Variants in ADRA1B observed in about 807,000 individuals in gnomAD.
ADRA1B encodes alpha-1B adrenergic receptor.
Under a neutral mutation model 17.9 loss-of-function variants are expected in ADRA1B, and 17 were observed. The observed-to-expected ratio is 0.95, with a 90% CI of 0.65 to 1.42. The LOEUF is 1.42. Among genes scored for constraint, ADRA1B ranks in the 40% most tolerant of loss-of-function variants. The pLI is 0.00. For missense variants in ADRA1B, 681 were observed against 722.1 expected (o/e 0.94, Z 0.65); for synonymous variants, 366 against 327.6 (o/e 1.12, Z -1.27).
At chr5:159,975,080 GC>G (rs1380834154), downstream of ADRA1B, among the ~76,000 whole-genome samples, 1 of 152,194 alleles carries the variant, frequency 6.6e-6, no homozygotes, top group Non-Finnish European at 1.5e-5. Context: ...GAAAAGAAAA[GC>G]CCCAACTCCA....
At chr5:159,952,395 A>T (rs938596915) in intron 1 of ADRA1B, among the ~76,000 whole-genome samples, 3 of 152,164 alleles carry the variant, frequency 2.0e-5, no homozygotes, top group African/African-American at 7.2e-5. Flanking sequence ...AAAACATCTT[A>T]TTGTATGTAA....
At position 159,879,886 on chromosome 5, in the gene ADRA1B, C is replaced by T. The variant is rs373290578; in HGVS notation, c.-256+14680C>T. 1.6e-3 allele frequency among the ~76,000 whole-genome samples: 248 copies of T among 152,218 alleles called. 1 individual carries two copies. Among genetic ancestry groups the T allele is most frequent in the African/African-American group, 5.7e-3 (236 of 41,542 alleles). The stretch of plus-strand genomic sequence containing the variant: ...TGGCGGGCGCCTGTAATCCCACCTA[C>T]TCATGAGGCTGAGGCAGAAGAATCG... On this transcript the variant is annotated intron_variant, in intron 1 of 2. Transcript: ENST00000641205.
Position 159,943,912 on chromosome 5 carries a change from T to TCTCA in ADRA1B, c.949+26059_949+26060insTCAC, listed in dbSNP as rs1187774879. ...CATTCTCTCTCTCTCTCTGTCTCTCTCACACACACACACACACACACACAC... is the reference window on the plus strand; with the variant it reads ...CATTCTCTCTCTCTCTCTGTCTCTCTCTCACACACACACACACACACACACACAC... On this transcript the variant is annotated intron_variant, in intron 1 of 1. Transcript: ENST00000306675. 2.4e-3 allele frequency among the ~76,000 whole-genome samples: 356 copies of TCTCA among 147,542 alleles called. 3 individuals are homozygous for TCTCA. Among genetic ancestry groups the TCTCA allele is most frequent in the African/African-American group, 8.4e-3 (335 of 39,866 alleles).
intron 1 of ADRA1B, among the ~76,000 whole-genome samples, chr5:159,922,249 T>C (rs1242431485): frequency 6.6e-6 from 1 of 152,206 alleles, no homozygotes; most frequent in Non-Finnish European, 1.5e-5. Context: ...TCCTCACAGC[T>C]ACTCTAACAG....
chr5:159,969,946 C>A (rs1755839811), intron 1 of ADRA1B, among the ~76,000 whole-genome samples: 2 of 151,302 alleles, frequency 1.3e-5, no homozygotes, highest in Admixed American at 6.6e-5. Context: ...AAAAAAAAAA[C>A]ACATTTTTAT....
chr5:159,901,322 C>G (rs114645603), intron 1 of ADRA1B, among the ~76,000 whole-genome samples: 2 of 149,998 alleles, frequency 1.3e-5, no homozygotes, highest in South Asian at 4.3e-4. Context: ...CTTTGCTCTT[C>G]CAGCACAGCC....
At chr5:159,878,686 T>G (rs11739251) in intron 1 of ADRA1B, among the ~76,000 whole-genome samples, 41,364 of 152,070 alleles carry the variant, frequency 0.27, 5,944 homozygotes, top group Non-Finnish European at 0.32. Flanking sequence ...TTAGGTGACC[T>G]GTGCAAGGTC....
chr5:159,947,619 G>T, intron 1 of ADRA1B: 1 of 763,286 alleles, frequency 1.3e-6, no homozygotes, highest in South Asian at 5.9e-5. Context: ...CAATACACTG[G>T]CTTTCAAATT....
chr5:159,939,831 C>T (rs1295310415), intron 1 of ADRA1B, among the ~76,000 whole-genome samples: 1 of 152,194 alleles, frequency 6.6e-6, no homozygotes, highest in African/African-American at 2.4e-5. Flanking sequence ...CTGTAACACC[C>T]TTCCTTCTCT....
At chr5:159,955,727 G>C (rs1755539956) in intron 1 of ADRA1B, among the ~76,000 whole-genome samples, 1 of 152,092 alleles carries the variant, frequency 6.6e-6, no homozygotes, top group Non-Finnish European at 1.5e-5. Flanking sequence ...ACCTCTAAAA[G>C]CTGAACACAA....
chr5:159,906,253 T>C (rs1754159749), intron 1 of ADRA1B, among the ~76,000 whole-genome samples: 1 of 152,212 alleles, frequency 6.6e-6, no homozygotes, highest in South Asian at 2.1e-4. Context: ...ATCCTCTCTA[T>C]GAGACATTCA....
intron 1 of ADRA1B, among the ~76,000 whole-genome samples, chr5:159,946,455 A>T (rs1018310420): frequency 6.6e-6 from 1 of 152,192 alleles, no homozygotes; most frequent in Admixed American, 6.5e-5. Context: ...GAAAGAAAAG[A>T]TTACCAGTAC....
intron 1 of ADRA1B, chr5:159,870,877 T>C (rs945035982): frequency 6.6e-6 from 1 of 152,228 alleles, no homozygotes; most frequent in East Asian, 1.9e-4. Flanking sequence ...ATACAGTCAC[T>C]GTGTCCTGTA....
chr5:159,951,490 C>T (rs538060151), intron 1 of ADRA1B: 1 of 696,422 alleles, frequency 1.4e-6, no homozygotes, highest in East Asian at 2.6e-5. Flanking sequence ...CAGCCTTCAC[C>T]TTCACCACGG....
In ADRA1B at chr5:159,922,993, G is replaced by C. The variant is rs944541540; in HGVS notation, c.949+5139G>C. On this transcript the variant is annotated intron_variant, in intron 1 of 1. Transcript: ENST00000306675. ...TAGTACATCATAGGTCCCTGAGGCAGTGACATTTAAGTGGAACCCTCAACG... is the reference window on the plus strand; with the variant it reads ...TAGTACATCATAGGTCCCTGAGGCACTGACATTTAAGTGGAACCCTCAACG... Among the ~76,000 whole-genome samples the C allele has an allele frequency of 5.3e-5, 8 of 152,262 alleles. No homozygotes were observed. In the South Asian group the frequency reaches 6.2e-4, roughly 12 times the overall value.
intron 1 of ADRA1B, among the ~76,000 whole-genome samples, chr5:159,884,281 T>G (rs1269607762): frequency 6.6e-6 from 1 of 152,226 alleles, no homozygotes; most frequent in African/African-American, 2.4e-5. Context: ...GCTGGAAATT[T>G]GAAAACTTAA....
intron 1 of ADRA1B, among the ~76,000 whole-genome samples, chr5:159,957,805 C>T (rs1755585363): frequency 6.6e-6 from 1 of 151,492 alleles, no homozygotes; most frequent in Non-Finnish European, 1.5e-5. Flanking sequence ...GGCATGGTGG[C>T]AGGTGCCTGG....
At chr5:159,948,084 G>T (rs560001453) in intron 1 of ADRA1B, 7 of 985,282 alleles carry the variant, frequency 7.1e-6, no homozygotes, top group Non-Finnish European at 8.4e-6. Flanking sequence ...ACTGCAGACC[G>T]ATTTTCATAG....
At chr5:159,940,767 T>A (rs756379887) in intron 1 of ADRA1B, among the ~76,000 whole-genome samples, 1 of 152,168 alleles carries the variant, frequency 6.6e-6, no homozygotes, top group Non-Finnish European at 1.5e-5. Context: ...AGCAATTATC[T>A]GTGGTAGTTT....
Sources: allele counts gnomAD v4.1 joint callset (sites outside exome capture counted in the v4.1 genomes callset), GRCh38; gene constraint gnomAD v4.1.1; transcripts MANE v1.5; gene names NCBI Gene and HGNC (gene_info 2026-07-23, HGNC 2026-07-21).